The following AMZ2 variants were observed in gnomAD, a reference collection of about 807,000 sequenced individuals.
AMZ2 encodes archaelysin family metallopeptidase 2, also known as archaemetzincin-2.
Under a neutral mutation model 36.7 loss-of-function variants are expected in AMZ2, and 26 were observed. That is an observed-to-expected ratio of 0.71 (90% CI 0.52 to 0.98). AMZ2 has a LOEUF of 0.98. AMZ2 is among the 50% of genes least tolerant of loss of function. The pLI is 0.00. For missense variants in AMZ2, 394 were observed against 430.5 expected, an observed-to-expected ratio of 0.92 and a Z score of 0.75; for synonymous variants, 144 against 149.1, an observed-to-expected ratio of 0.97 and a Z score of 0.25.
chr17:68,220,981 T>C (rs1170080053), intron 1 of AMZ2, among the ~76,000 whole-genome samples: 8 of 151,838 alleles, frequency 5.3e-5, no homozygotes, highest in African/African-American at 1.9e-4. Flanking sequence ...ACAAGGTTTC[T>C]CCATGTTGGC....
intron 1 of AMZ2, among the ~76,000 whole-genome samples, chr17:68,234,313 G>C (rs782473655): frequency 1.3e-5 from 2 of 151,788 alleles, no homozygotes; most frequent in Non-Finnish European, 2.9e-5. Context: ...ACCAGGTGTG[G>C]TGGCACATAC....
chr17:68,229,897 AG>A (rs1481993062), intron 1 of AMZ2, among the ~76,000 whole-genome samples: 1 of 152,124 alleles, frequency 6.6e-6, no homozygotes, highest in Non-Finnish European at 1.5e-5. Context: ...ATATAGTCTC[AG>A]GGGCCTCTCA....
At position 68,234,295 on chromosome 17, in the gene AMZ2, T is replaced by G. The variant is rs182862292; in HGVS notation, c.-66-14345T>G. Among the ~76,000 whole-genome samples the G allele has an allele frequency of 2.5e-3, 381 of 149,814 alleles. 1 individual carries two copies. Among genetic ancestry groups the G allele is most frequent in the Non-Finnish European group, 4.2e-3 (283 of 67,428 alleles). On this transcript the variant is annotated intron_variant, in intron 1 of 7. Transcript: ENST00000674770. The stretch of plus-strand genomic sequence containing the variant: ...AAGACTCCATCTCTAAAAAAAAAAT[T>G]AAGATTAACCAGGTGTGGTGGCACA...
chr17:68,239,513 G>A (rs1457407780), intron 1 of AMZ2, among the ~76,000 whole-genome samples: 1 of 152,188 alleles, frequency 6.6e-6, no homozygotes, highest in Non-Finnish European at 1.5e-5. Context: ...GTGTTAAAAC[G>A]AATTGGTTGT....
chr17:68,255,630 A>C, intron 5 of AMZ2, 70 bp from the exon 6 acceptor site: 1 of 1,498,192 alleles, frequency 6.7e-7, no homozygotes, highest in Non-Finnish European at 9.1e-7. Context: ...TTGGAAAAGC[A>C]AGAAAAAGAA....
At chr17:68,234,672 A>G (rs2073745306) in intron 1 of AMZ2, among the ~76,000 whole-genome samples, 1 of 151,776 alleles carries the variant, frequency 6.6e-6, no homozygotes, top group African/African-American at 2.4e-5. Context: ...CAGAGGGCTG[A>G]GGCGGAAGGA....
chr17:68,251,123 T>A lies in AMZ2; in HGVS notation c.531T>A (p.Asp177Glu). ...GTGTTGTGGGAATAACAATGATTGA[T>A]CTTTACCCAAGAGACTCGTGGAATT... ...AFCVVGITMI[D>E]LYPRDSWNFV... The change falls in exon 4 of 7, where the codon GAT (aspartate) becomes GAA (glutamate). Residue 177 changes from aspartate (D) to glutamate (E), a missense_variant. Coordinates refer to ENST00000359904, the MANE Select transcript of AMZ2 (RefSeq NM_016627.5). 6.2e-7 allele frequency: 1 copy of A among 1,613,954 alleles called. No homozygotes were observed. The highest frequency in any genetic ancestry group is 1.7e-5 in the Admixed American group (1 of 59,994).
chr17:68,229,730 A>G (rs2073612814), intron 1 of AMZ2, among the ~76,000 whole-genome samples: 1 of 152,212 alleles, frequency 6.6e-6, no homozygotes, highest in Non-Finnish European at 1.5e-5. Flanking sequence ...AATGAGTTCC[A>G]TGTTAACTTG....
At chr17:68,228,486 C>T (rs2144585123) in intron 1 of AMZ2, among the ~76,000 whole-genome samples, 1 of 152,324 alleles carries the variant, frequency 6.6e-6, no homozygotes. Flanking sequence ...AAGGCTCTCT[C>T]CATCCTTCTG....
At chr17:68,220,346 A>G (rs2073315240) in intron 1 of AMZ2, among the ~76,000 whole-genome samples, 1 of 151,854 alleles carries the variant, frequency 6.6e-6, no homozygotes, top group Non-Finnish European at 1.5e-5. Flanking sequence ...ACAAGAGTTC[A>G]CCTACTGCAT....
chr17:68,248,241 A>G lies in AMZ2; in HGVS notation c.-465A>G. On this transcript the variant is annotated 5_prime_UTR_variant, in exon 1 of 7. Coordinates refer to ENST00000359904, the MANE Select transcript of AMZ2 (RefSeq NM_016627.5). ...ATGTAGGAGGGGCGGACGTGGCGGA[A>G]GCCGCGGGGTCCGCGGGGTCGGTGC... The G allele has an allele frequency of 1.0e-6, 1 of 985,888 alleles. No individual in the cohort carries two copies. Among genetic ancestry groups the G allele is most frequent in the Non-Finnish European group, 1.2e-6 (1 of 830,148 alleles). The allele number at this position is 985,888 out of a possible 1,614,324, so 61.1% of individuals were successfully genotyped here. A position where few individuals can be genotyped will look rare whatever the true frequency, so the allele number is the denominator to read the frequency against.
At position 68,241,194 on chromosome 17, in the gene AMZ2, A is replaced by G. The variant is rs1230913947; in HGVS notation, c.-66-7446A>G. 2.4e-4 allele frequency among the ~76,000 whole-genome samples: 36 copies of G among 152,216 alleles called. 1 individual carries two copies. The highest frequency in any genetic ancestry group is 1.0e-3 in the Admixed American group (16 of 15,284). On this transcript the variant is annotated intron_variant, in intron 1 of 7. Coordinates refer to the AMZ2 transcript ENST00000674770. ...CCATGTAGAGAAGCATTAAAAAACA[A>G]AGAATCAGAGAATCATAAAAAATGA...
At chr17:68,208,249 A>T (rs1450338868) in intron 1 of AMZ2, among the ~76,000 whole-genome samples, 3 of 152,188 alleles carry the variant, frequency 2.0e-5, no homozygotes, top group African/African-American at 7.2e-5. Context: ...CCAGTGCGGG[A>T]TCCACTGGGT....
chr17:68,209,628 A>ATTTTTTTTTT (rs1322446681), intron 1 of AMZ2, among the ~76,000 whole-genome samples: 4 of 98,526 alleles, frequency 4.1e-5, no homozygotes, highest in African/African-American at 2.0e-4. Flanking sequence ...ATATATATAT[A>ATTTTTTTTTT]TATATTTTTT....
chr17:68,223,019 G>T (rs2073408166), intron 1 of AMZ2, among the ~76,000 whole-genome samples: 1 of 152,086 alleles, frequency 6.6e-6, no homozygotes, highest in Non-Finnish European at 1.5e-5. Flanking sequence ...GCAGCAGAGA[G>T]GCGTGTGCTC....
upstream of AMZ2, chr17:68,247,725 T>C: frequency 1.0e-6 from 1 of 985,476 alleles, no homozygotes; most frequent in African/African-American, 1.7e-5. Context: ...CCGAGGACGT[T>C]CCCACACGGG....
chr17:68,228,729 T>G (rs1196559100), intron 1 of AMZ2, among the ~76,000 whole-genome samples: 5 of 152,244 alleles, frequency 3.3e-5, no homozygotes, highest in African/African-American at 4.8e-5. Flanking sequence ...GAGCCCAAGA[T>G]GAACCAGGCA....
rs71142139 is a variant in AMZ2 at position 68,209,581 on chromosome 17, GGTGTGT to G, written c.-67+3362_-67+3367del. Among the ~76,000 whole-genome samples the G allele has an allele frequency of 3.3e-3, 351 of 106,872 alleles. 6 individuals are homozygous for G. The highest frequency in any genetic ancestry group is 4.4e-3 in the Non-Finnish European group (235 of 52,860). 70.1% of individuals were successfully genotyped at this position (106,872 alleles called of 152,430 possible). On this transcript the variant is annotated intron_variant, in intron 1 of 7. Transcript: ENST00000674770. The stretch of plus-strand genomic sequence containing the variant: ...AATATTATAGAAGAAAATAATTGTG[GGTGTGT>G]GTGTGTGTGTGTGTGTGTATATGTA...
At chr17:68,217,998 G>C (rs1453089824) in intron 1 of AMZ2, among the ~76,000 whole-genome samples, 3 of 152,032 alleles carry the variant, frequency 2.0e-5, no homozygotes, top group Non-Finnish European at 4.4e-5. Flanking sequence ...ATTTTTAGTA[G>C]AGATGGGATT....
Sources: allele counts gnomAD v4.1 joint callset (sites outside exome capture counted in the v4.1 genomes callset), GRCh38; gene constraint gnomAD v4.1.1; transcripts MANE v1.5; gene names NCBI Gene and HGNC (gene_info 2026-07-23, HGNC 2026-07-21).